The following PRDM5 variants were observed in gnomAD, a reference collection of about 807,000 sequenced individuals.
PRDM5 encodes the protein PR domain zinc finger protein 5.
Under a neutral mutation model 81.2 loss-of-function variants are expected in PRDM5, and 56 were observed. That is an observed-to-expected ratio of 0.69 (90% CI 0.56 to 0.86). The LOEUF (loss-of-function observed/expected upper bound fraction) is 0.86. PRDM5 is among the 40% of genes least tolerant of loss of function. The pLI is 0.00. For missense variants in PRDM5, 697 were observed against 770.1 expected (o/e 0.91, Z 1.12); for synonymous variants, 267 against 256.4 (o/e 1.04, Z -0.39).
intron 14 of PRDM5, among the ~76,000 whole-genome samples, chr4:120,711,909 C>T (rs1445364163): frequency 2.0e-5 from 3 of 152,112 alleles, no homozygotes; most frequent in Non-Finnish European, 2.9e-5. Context: ...CTTAGTGCAT[C>T]ATCAAAAAGT....
intron 14 of PRDM5, among the ~76,000 whole-genome samples, chr4:120,726,014 A>G (rs531242702): frequency 6.6e-6 from 1 of 152,032 alleles, no homozygotes; most frequent in African/African-American, 2.4e-5. Flanking sequence ...CCCATCACAC[A>G]CTGCCCCACT....
chr4:120,783,968 C>T (rs1470145462), intron 11 of PRDM5, among the ~76,000 whole-genome samples: 1 of 151,974 alleles, frequency 6.6e-6, no homozygotes, highest in Non-Finnish European at 1.5e-5. Flanking sequence ...TTTTTTCTTT[C>T]CTCAGGAATA....
intron 3 of PRDM5, among the ~76,000 whole-genome samples, chr4:120,847,523 G>T (rs1406477897): frequency 1.3e-5 from 2 of 152,054 alleles, no homozygotes; most frequent in Non-Finnish European, 2.9e-5. Context: ...GTTTTCCCTG[G>T]CTGACCACTT....
At chr4:120,814,114 T>C (rs564401667) in intron 7 of PRDM5, among the ~76,000 whole-genome samples, 34 of 152,174 alleles carry the variant, frequency 2.2e-4, no homozygotes, top group Non-Finnish European at 4.3e-4. Context: ...TGTAGATAAA[T>C]GTTATCTCCC....
chr4:120,834,824 G>A (rs1757152509), intron 3 of PRDM5, among the ~76,000 whole-genome samples: 1 of 152,126 alleles, frequency 6.6e-6, no homozygotes, highest in African/African-American at 2.4e-5. Context: ...CAAGGAATTT[G>A]GCTTTTCATG....
chr4:120,707,607 T>C (rs975625393), intron 15 of PRDM5, among the ~76,000 whole-genome samples: 1 of 151,344 alleles, frequency 6.6e-6, no homozygotes, highest in Non-Finnish European at 1.5e-5. Flanking sequence ...ACAAATCCCA[T>C]GACCTTGGAT....
intron 3 of PRDM5, among the ~76,000 whole-genome samples, chr4:120,848,890 A>G (rs1358176885): frequency 1.3e-5 from 2 of 152,184 alleles, no homozygotes; most frequent in Non-Finnish European, 2.9e-5. Flanking sequence ...ATAACCTATT[A>G]AAAGATAGAT....
intron 2 of PRDM5, among the ~76,000 whole-genome samples, chr4:120,884,890 G>A (rs547128180): frequency 1.4e-4 from 21 of 152,010 alleles, no homozygotes; most frequent in African/African-American, 5.1e-4. Flanking sequence ...CTGGCCGGGC[G>A]CGGTGGCTCA....
At chr4:120,737,979 G>C (rs1406133929) in intron 14 of PRDM5, among the ~76,000 whole-genome samples, 1 of 152,088 alleles carries the variant, frequency 6.6e-6, no homozygotes, top group African/African-American at 2.4e-5. Context: ...TAAGGAAAAA[G>C]AGATGTGAGC....
chr4:120,892,483 C>T (rs1043043641), intron 2 of PRDM5, among the ~76,000 whole-genome samples: 2 of 152,136 alleles, frequency 1.3e-5, no homozygotes, highest in Non-Finnish European at 2.9e-5. Context: ...TTTTATGAAT[C>T]TGGATGTTCC....
intron 10 of PRDM5, among the ~76,000 whole-genome samples, chr4:120,792,608 C>G (rs1012504761): frequency 6.6e-6 from 1 of 152,082 alleles, no homozygotes; most frequent in Non-Finnish European, 1.5e-5. Flanking sequence ...CAAAGAGACA[C>G]CTACACTCTC....
rs1171226620 is a variant in PRDM5 at position 120,821,285 on chromosome 4, T to A, written c.361A>T (p.Ile121Phe). ...TCCATGTCACTATCCAGGTAGCCAATCAGAAGCTCCGTGTCTGTTTCTATA... is the reference window on the plus strand; with the variant it reads ...TCCATGTCACTATCCAGGTAGCCAAACAGAAGCTCCGTGTCTGTTTCTATA... ...EDIETDTELLIGYLDSDMEAE... is the reference protein window; with the variant it reads ...EDIETDTELLFGYLDSDMEAE... The change falls in exon 4 of 16, where the codon ATT (isoleucine) becomes TTT (phenylalanine). Residue 121 changes from isoleucine (I) to phenylalanine (F), a missense_variant. Around this residue, in one of 3 missense-constraint regions of PRDM5, gnomAD observed 577 missense variants for 606.7 expected, o/e 0.95. Transcript: ENST00000264808. The A allele has an allele frequency of 6.2e-7, 1 of 1,614,090 alleles. No individual in the cohort carries two copies. The highest frequency in any genetic ancestry group is 8.5e-7 in the Non-Finnish European group (1 of 1,180,014).
intron 3 of PRDM5, among the ~76,000 whole-genome samples, chr4:120,847,823 A>G (rs1449797862): frequency 2.6e-5 from 4 of 152,116 alleles, no homozygotes; most frequent in African/African-American, 9.7e-5. Context: ...AGGTTATAAA[A>G]GATTCTGTTT....
At chr4:120,851,196 C>A (rs1578985421) in intron 3 of PRDM5, among the ~76,000 whole-genome samples, 1 of 152,028 alleles carries the variant, frequency 6.6e-6, no homozygotes, top group African/African-American at 2.4e-5. Flanking sequence ...GGCTTAAAAT[C>A]ATTATTTACA....
intron 10 of PRDM5, among the ~76,000 whole-genome samples, chr4:120,794,804 T>G (rs1344630551): frequency 6.6e-6 from 1 of 152,090 alleles, no homozygotes; most frequent in African/African-American, 2.4e-5. Context: ...TTTTGTATTT[T>G]TAGTAGAGAT....
In PRDM5 at chr4:120,882,384, G is replaced by A. The variant is rs1185951804; in HGVS notation, c.177+25090C>T. On this transcript the variant is annotated intron_variant, in intron 2 of 15. Transcript: ENST00000264808. Reference sequence around the variant, plus strand: ...GCTGGTTTCGAACTCCTGACCTCAGGTGATGCACATGCCTCGGCCTCCCAA... The same window carrying A: ...GCTGGTTTCGAACTCCTGACCTCAGATGATGCACATGCCTCGGCCTCCCAA... Among the ~76,000 whole-genome samples the A allele has an allele frequency of 3.3e-5, 5 of 152,134 alleles. 1 individual carries two copies. The highest frequency in any genetic ancestry group is 3.3e-4 in the Admixed American group (5 of 15,266).
At chr4:120,741,516 CG>C (rs1741951262) in intron 14 of PRDM5, among the ~76,000 whole-genome samples, 1 of 151,528 alleles carries the variant, frequency 6.6e-6, no homozygotes, top group African/African-American at 2.4e-5. Context: ...TCTGAGGTAC[CG>C]GGTTCATCTC....
At chr4:120,877,934 A>G (rs1020835456) in intron 2 of PRDM5, among the ~76,000 whole-genome samples, 3 of 148,558 alleles carry the variant, frequency 2.0e-5, no homozygotes, top group African/African-American at 7.9e-5. Context: ...TAAAAGAAGA[A>G]TAAAATAATA....
chr4:120,825,401 T>C (rs1188827611), intron 3 of PRDM5, among the ~76,000 whole-genome samples: 1 of 152,212 alleles, frequency 6.6e-6, no homozygotes, highest in South Asian at 2.1e-4. Flanking sequence ...CCGTGCTGCT[T>C]TGATTACAAT....
Sources: allele counts gnomAD v4.1 joint callset (sites outside exome capture counted in the v4.1 genomes callset), GRCh38; gene constraint gnomAD v4.1.1; regional missense constraint gnomAD v4.1.1; transcripts MANE v1.5; gene names NCBI Gene and HGNC (gene_info 2026-07-23, HGNC 2026-07-21).